The following SHISA9 variants were observed in gnomAD, a reference collection of about 807,000 sequenced individuals.
The protein encoded by SHISA9 is protein shisa-9.
SHISA9 carries 13 observed loss-of-function variants against 38.0 expected under a neutral mutation model. The observed-to-expected ratio is 0.34, with a 90% CI of 0.22 to 0.54. The LOEUF is 0.54. Ranked by LOEUF, SHISA9 falls within the 20% of genes least tolerant of loss-of-function variation. The probability of loss-of-function intolerance (pLI) is 0.91; values close to 1 mark genes in which losing one functional copy is unlikely to be tolerated. For synonymous variants in SHISA9, 275 were observed against 242.0 expected, an observed-to-expected ratio of 1.14 and a Z score of -1.27; for missense variants, 538 against 575.8, an observed-to-expected ratio of 0.93 and a Z score of 0.67.
intron 2 of SHISA9, among the ~76,000 whole-genome samples, chr16:12,928,566 C>G (rs2071423408): frequency 6.6e-6 from 1 of 152,154 alleles, no homozygotes; most frequent in Admixed American, 6.5e-5. Context: ...AGGATGTGAA[C>G]AAAAGGGATG....
At chr16:13,148,467 A>T (rs141313064) in intron 2 of SHISA9, among the ~76,000 whole-genome samples, 1 of 152,130 alleles carries the variant, frequency 6.6e-6, no homozygotes, top group African/African-American at 2.4e-5. Flanking sequence ...CCCACAAAAC[A>T]TATATACCTC....
At chr16:13,529,711 G>GA in the SHISA9 span, among the ~76,000 whole-genome samples, 4 of 152,240 alleles carry the variant, frequency 2.6e-5, no homozygotes, top group African/African-American at 7.2e-5. Flanking sequence ...TTGTTAAACA[G>GA]AAAAAACAAC....
the SHISA9 span, among the ~76,000 whole-genome samples, chr16:13,449,796 A>T: frequency 6.6e-6 from 1 of 151,894 alleles, no homozygotes. Flanking sequence ...TCTGGGGAGA[A>T]CCTCATTGTC....
chr16:13,308,493 C>T, the SHISA9 span, among the ~76,000 whole-genome samples: 5 of 152,094 alleles, frequency 3.3e-5, no homozygotes, highest in Non-Finnish European at 7.4e-5. Flanking sequence ...ACAATGTTAG[C>T]CAGAGTGTCC....
intron 2 of SHISA9, among the ~76,000 whole-genome samples, chr16:13,155,310 G>A (rs1351218798): frequency 1.3e-5 from 2 of 152,064 alleles, no homozygotes; most frequent in African/African-American, 4.8e-5. Context: ...CGAATTGGAT[G>A]GAACATAATT....
the SHISA9 span, among the ~76,000 whole-genome samples, chr16:13,468,278 G>T: frequency 6.6e-6 from 1 of 152,178 alleles, no homozygotes; most frequent in Non-Finnish European, 1.5e-5. Flanking sequence ...ACTATTGACT[G>T]AGTTCTGGAC....
chr16:13,199,876 A>G (rs1265191816), intron 2 of SHISA9, among the ~76,000 whole-genome samples: 1 of 152,194 alleles, frequency 6.6e-6, no homozygotes, highest in African/African-American at 2.4e-5. Flanking sequence ...CTAGCTGGGC[A>G]CATACTCACC....
intron 2 of SHISA9, among the ~76,000 whole-genome samples, chr16:13,051,539 C>T (rs1015801497): frequency 2.6e-5 from 4 of 152,214 alleles, no homozygotes; most frequent in African/African-American, 9.7e-5. Context: ...CACACCTTCT[C>T]ATCCACTTGC....
intron 2 of SHISA9, among the ~76,000 whole-genome samples, chr16:13,148,167 C>T (rs187161872): frequency 1.3e-5 from 2 of 152,236 alleles, no homozygotes; most frequent in Admixed American, 1.3e-4. Context: ...GTGCCCTTCC[C>T]GTACTTCTGG....
At chr16:13,550,302 A>G in the SHISA9 span, among the ~76,000 whole-genome samples, 4 of 152,128 alleles carry the variant, frequency 2.6e-5, no homozygotes, top group East Asian at 7.7e-4. Context: ...AAACTCTCCC[A>G]TTCAGTTTTA....
the SHISA9 span, among the ~76,000 whole-genome samples, chr16:13,503,038 C>T: frequency 6.6e-6 from 1 of 152,046 alleles, no homozygotes; most frequent in Non-Finnish European, 1.5e-5. Context: ...GCTGACTTAA[C>T]AGGGACGACA....
chr16:13,464,745 C>T, the SHISA9 span, among the ~76,000 whole-genome samples: 5 of 152,030 alleles, frequency 3.3e-5, no homozygotes, highest in East Asian at 1.9e-4. Flanking sequence ...AAGTACTGGG[C>T]GCTATCCTGA....
At chr16:13,320,506 A>T in the SHISA9 span, among the ~76,000 whole-genome samples, 1 of 152,032 alleles carries the variant, frequency 6.6e-6, no homozygotes, top group East Asian at 1.9e-4. Context: ...AATCCATGCC[A>T]TGTTCTCAGC....
chr16:13,361,186 C>G, the SHISA9 span, among the ~76,000 whole-genome samples: 1 of 152,150 alleles, frequency 6.6e-6, no homozygotes, highest in Non-Finnish European at 1.5e-5. Context: ...TTCTTTTCTT[C>G]TCTATCTCTC....
chr16:13,444,401 A>AAGGG, the SHISA9 span, among the ~76,000 whole-genome samples: 1,052 of 112,536 alleles, frequency 9.3e-3, 14 homozygotes, highest in African/African-American at 0.032. Context: ...AGAAGGAAGG[A>AAGGG]AGGGAGGGAG....
chr16:13,265,385 C>T, the SHISA9 span, among the ~76,000 whole-genome samples: 2 of 109,068 alleles, frequency 1.8e-5, no homozygotes, highest in African/African-American at 7.2e-5. Context: ...TTCCTTCCCT[C>T]CCTTCCTCTC....
intron 2 of SHISA9, among the ~76,000 whole-genome samples, chr16:13,002,279 C>T (rs2072535318): frequency 6.6e-6 from 1 of 152,190 alleles, no homozygotes; most frequent in African/African-American, 2.4e-5. Context: ...ACACCACACT[C>T]TAAATCCCTA....
At chr16:13,301,842 T>A in the SHISA9 span, among the ~76,000 whole-genome samples, 1 of 152,204 alleles carries the variant, frequency 6.6e-6, no homozygotes, top group African/African-American at 2.4e-5. Context: ...ACTTATTCTC[T>A]TTGAACGTCA....
intron 2 of SHISA9, among the ~76,000 whole-genome samples, chr16:13,133,187 T>A (rs1003408893): frequency 2.0e-5 from 3 of 152,164 alleles, no homozygotes; most frequent in African/African-American, 7.2e-5. Flanking sequence ...ATCTTAGATA[T>A]GTTTTTATTT....
Sources: gnomAD v4.1 joint callset for allele counts (sites outside exome capture counted in the v4.1 genomes callset) on GRCh38, gnomAD v4.1.1 for gene constraint, MANE v1.5 for transcripts, NCBI Gene and HGNC (gene_info 2026-07-23, HGNC 2026-07-21) for gene names.